The following AOAH variants were observed in gnomAD, a reference collection of about 807,000 sequenced individuals.
AOAH encodes the protein acyloxyacyl hydrolase (neutrophil).
Under a neutral mutation model 92.2 loss-of-function variants are expected in AOAH, and 64 were observed. The ratio of observed to expected loss-of-function variants is 0.69; its 90% CI spans 0.57 to 0.86. The LOEUF (loss-of-function observed/expected upper bound fraction) is 0.86. Ranked by LOEUF, AOAH falls within the 40% of genes least tolerant of loss-of-function variation. AOAH has a pLI of 0.00. For missense variants in AOAH, 656 were observed against 694.6 expected (o/e 0.94, Z 0.62); for synonymous variants, 263 against 254.5 (o/e 1.03, Z -0.32).
At chr7:36,555,764 T>G (rs1401451498) in intron 13 of AOAH, among the ~76,000 whole-genome samples, 1 of 152,224 alleles carries the variant, frequency 6.6e-6, no homozygotes, top group African/African-American at 2.4e-5. Flanking sequence ...TTTTCTAGTT[T>G]ATTTGCGTAG....
chr7:36,628,039 T>G (rs1792800204), intron 6 of AOAH, among the ~76,000 whole-genome samples: 1 of 152,002 alleles, frequency 6.6e-6, no homozygotes, highest in Non-Finnish European at 1.5e-5. Flanking sequence ...GGATGTGTTA[T>G]CCAATGAAAT....
intron 16 of AOAH, 68 bp from the exon 17 acceptor site, chr7:36,532,412 G>A: frequency 6.9e-7 from 1 of 1,443,432 alleles, no homozygotes; most frequent in Non-Finnish European, 9.7e-7. Flanking sequence ...GCACCTGGGG[G>A]CTTCCCTGCC....
At chr7:36,684,605 G>A (rs1796849533) in intron 2 of AOAH, among the ~76,000 whole-genome samples, 1 of 151,852 alleles carries the variant, frequency 6.6e-6, no homozygotes, top group African/African-American at 2.4e-5. Context: ...ATTGAACATC[G>A]ACAGCTGCGA....
chr7:36,661,986 G>T (rs192982482), intron 3 of AOAH, among the ~76,000 whole-genome samples: 1 of 152,254 alleles, frequency 6.6e-6, no homozygotes, highest in African/African-American at 2.4e-5. Context: ...CAGTTGTAAC[G>T]GTTGCTAAAC....
chr7:36,646,893 C>T (rs925412654), intron 4 of AOAH, among the ~76,000 whole-genome samples: 1 of 152,214 alleles, frequency 6.6e-6, no homozygotes, highest in African/African-American at 2.4e-5. Flanking sequence ...TCCTTAACTA[C>T]ATTACACCCT....
intron 19 of AOAH, among the ~76,000 whole-genome samples, chr7:36,528,089 G>A (rs934015648): frequency 3.3e-5 from 5 of 152,196 alleles, no homozygotes; most frequent in Non-Finnish European, 7.3e-5. Flanking sequence ...AGGTCCCACA[G>A]TGGTCTCACT....
At chr7:36,589,234 C>A (rs1789571414) in intron 12 of AOAH, among the ~76,000 whole-genome samples, 1 of 152,058 alleles carries the variant, frequency 6.6e-6, no homozygotes. Flanking sequence ...GACTTAGATG[C>A]CTGTTTTCCT....
chr7:36,715,306 T>TG (rs1562725437), intron 1 of AOAH, among the ~76,000 whole-genome samples: 1 of 152,136 alleles, frequency 6.6e-6, no homozygotes, highest in East Asian at 1.9e-4. Context: ...TACAAACCAC[T>TG]GCTCAATGAA....
chr7:36,534,998 T>A (rs1190727721), intron 16 of AOAH, among the ~76,000 whole-genome samples: 1 of 140,392 alleles, frequency 7.1e-6, no homozygotes, highest in Non-Finnish European at 1.6e-5. Flanking sequence ...GTGTGTCTGC[T>A]TGTGTGTATC....
chr7:36,723,969 TG>T (rs1186804613), intron 1 of AOAH, 52 bp downstream of exon 1: 1 of 1,577,182 alleles, frequency 6.3e-7, no homozygotes, highest in African/African-American at 1.4e-5. Flanking sequence ...AGCAAAGTAC[TG>T]GATCCCATTG....
chr7:36,617,336 T>C (rs1181211528), intron 10 of AOAH, among the ~76,000 whole-genome samples: 2 of 152,270 alleles, frequency 1.3e-5, no homozygotes, highest in Admixed American at 1.3e-4. Context: ...CACCTAGATC[T>C]GCATATATTT....
chr7:36,565,697 T>C (rs9639734), intron 13 of AOAH, among the ~76,000 whole-genome samples: 24,890 of 151,830 alleles, frequency 0.16, 2,382 homozygotes, highest in African/African-American at 0.26. Flanking sequence ...CACAACTGGC[T>C]GATTTTTTTT....
chr7:36,611,220 G>T (rs1056467593), intron 11 of AOAH, among the ~76,000 whole-genome samples: 9 of 152,106 alleles, frequency 5.9e-5, no homozygotes, highest in Non-Finnish European at 1.2e-4. Context: ...AACACTAGAG[G>T]CTTAAAACAG....
At chr7:36,615,423 T>C (rs1791794170) in intron 11 of AOAH, among the ~76,000 whole-genome samples, 1 of 152,236 alleles carries the variant, frequency 6.6e-6, no homozygotes, top group Admixed American at 6.5e-5. Context: ...CCTGTACTTT[T>C]ATTTTGCACT....
At chr7:36,563,253 C>G (rs1787422127) in intron 13 of AOAH, among the ~76,000 whole-genome samples, 2 of 149,554 alleles carry the variant, frequency 1.3e-5, no homozygotes, top group Admixed American at 1.3e-4. Flanking sequence ...CTCCCTCAAA[C>G]CTCTTTGGAA....
intron 5 of AOAH, among the ~76,000 whole-genome samples, chr7:36,634,283 C>T (rs1010371436): frequency 3.3e-5 from 5 of 152,102 alleles, no homozygotes; most frequent in African/African-American, 9.7e-5. Context: ...GACAGCTCGG[C>T]GCCACACCCT....
At chr7:36,596,311 G>A (rs1416962056) in intron 11 of AOAH, among the ~76,000 whole-genome samples, 2 of 152,140 alleles carry the variant, frequency 1.3e-5, no homozygotes, top group Non-Finnish European at 2.9e-5. Context: ...TATTTTCAGA[G>A]AGATAGAGAA....
chr7:36,635,630 A>G (rs1050411579), intron 5 of AOAH, among the ~76,000 whole-genome samples: 4 of 152,288 alleles, frequency 2.6e-5, no homozygotes, highest in African/African-American at 9.6e-5. Context: ...CCACTGTACG[A>G]TCCCAATATC....
intron 13 of AOAH, among the ~76,000 whole-genome samples, chr7:36,558,743 A>G (rs546904690): frequency 2.0e-5 from 3 of 152,362 alleles, no homozygotes; most frequent in East Asian, 1.9e-4. Flanking sequence ...TGTGCTAGCA[A>G]TCAGCGAGAC....
Sources: allele counts gnomAD v4.1 joint callset (sites outside exome capture counted in the v4.1 genomes callset), GRCh38; gene constraint gnomAD v4.1.1; transcripts MANE v1.5; gene names NCBI Gene and HGNC (gene_info 2026-07-23, HGNC 2026-07-21).